The following NDUFA11 variants were observed in gnomAD, a reference collection of about 807,000 sequenced individuals.
NDUFA11 encodes NADH dehydrogenase [ubiquinone] 1 alpha subcomplex subunit 11.
A neutral mutation model predicts 11.3 loss-of-function variants in NDUFA11; 14 were observed. The ratio of observed to expected loss-of-function variants is 1.24; its 90% CI spans 0.82 to 1.94. NDUFA11 has a LOEUF of 1.94. Ranked by LOEUF, NDUFA11 falls within the 30% of genes most tolerant of loss-of-function variation. NDUFA11 has a pLI of 0.00. For synonymous variants in NDUFA11, 87 were observed against 85.6 expected (o/e 1.02, Z -0.09); for missense variants, 204 against 200.3 (o/e 1.02, Z -0.11).
rs2144950997 is a variant in NDUFA11, at chr19:5,896,657, G to A, written c.191-82C>T. The A allele has an allele frequency of 1.9e-6, 3 of 1,542,074 alleles. No homozygotes were observed. The South Asian group carries it at 3.6e-5, about 18-fold the overall frequency. ...GGGCGCTCACTGCCAGTGTCTGGATGGAGAGAGATGCCACGAGTCGGCTGC... is the reference window on the plus strand; with the variant it reads ...GGGCGCTCACTGCCAGTGTCTGGATAGAGAGAGATGCCACGAGTCGGCTGC... On this transcript the variant is annotated intron_variant, in intron 2 of 3. Coordinates refer to ENST00000308961, the MANE Select transcript of NDUFA11 (RefSeq NM_175614.5). The surrounding 1 kb of genome is among the most constrained non-coding windows in gnomAD (Gnocchi z 5.8).
In NDUFA11 at chr19:5,896,187, G is replaced by A; in HGVS notation, c.313+266C>T. The A allele has an allele frequency of 6.7e-6, 4 of 599,212 alleles. No individual in the cohort carries two copies. The East Asian group carries it at 1.1e-4, about 17-fold the overall frequency. The allele number at this position is 599,212 out of a possible 1,614,324, so 37.1% of individuals were successfully genotyped here. ...AGGCCCTGGGGCAGGACTGTACCTG[G>A]CATGTGGGAGGAGCAGTGAGGAGGC... On this transcript the variant is annotated intron_variant, in intron 3 of 3. Coordinates refer to ENST00000308961, the MANE Select transcript of NDUFA11 (RefSeq NM_175614.5). The surrounding 1 kb of genome is among the most constrained non-coding windows in gnomAD (Gnocchi z 5.8).
rs769260017 is a variant in NDUFA11 at position 5,894,708 on chromosome 19, T to C, written c.*34A>G. ...GACACAGAATTTATTTCTGGACGCA[T>C]TCTGCAGGCTGGAGGTCCCGGCAGG... On this transcript the variant is annotated 3_prime_UTR_variant, in exon 4 of 4. Transcript: ENST00000308961. The C allele has an allele frequency of 8.4e-5, 135 of 1,607,498 alleles. No individual in the cohort carries two copies. The highest frequency in any genetic ancestry group is 1.1e-4 in the Non-Finnish European group (131 of 1,177,088).
rs759620443 is a variant in NDUFA11 at position 5,894,828 on chromosome 19, C to T, written c.340G>A (p.Ala114Thr). 3.7e-5 allele frequency: 60 copies of T among 1,611,796 alleles called. No individual in the cohort carries two copies. The highest frequency in any genetic ancestry group is 4.8e-5 in the Non-Finnish European group (57 of 1,179,094). Residue 114 changes from alanine (A) to threonine (T), a missense_variant, in exon 4 of 4, where the codon GCC becomes ACC. Transcript: ENST00000308961. The stretch of plus-strand genomic sequence containing the variant: ...GCCGCTATGCCAAAGTACACGCAGG[C>T]GGCGGCGCCAATCCCGTAGTTGTGC... ...RTHNYGIGAA[A>T]CVYFGIAASL...
intron 1 of NDUFA11, among the ~76,000 whole-genome samples, chr19:5,898,329 C>A (rs1440725594): frequency 6.6e-6 from 1 of 152,212 alleles, no homozygotes; most frequent in Non-Finnish European, 1.5e-5. Context: ...CAACAGCACC[C>A]TAGCCTCAGA....
downstream of NDUFA11, among the ~76,000 whole-genome samples, chr19:5,894,177 C>T (rs1358622641): frequency 3.3e-5 from 5 of 152,226 alleles, no homozygotes; most frequent in African/African-American, 9.6e-5. Flanking sequence ...CCAGGGGCTG[C>T]GAGTGACCTG....
At chr19:5,893,468 A>T (rs935171301), downstream of NDUFA11, among the ~76,000 whole-genome samples, 1 of 152,078 alleles carries the variant, frequency 6.6e-6, no homozygotes, top group Non-Finnish European at 1.5e-5. This position sits in a 1 kb window ranked among gnomAD's most constrained non-coding sequence, Gnocchi z 4.1. Context: ...ATGTCTCAAA[A>T]AGACGAATTT....
chr19:5,896,056 AGAAG>A lies in NDUFA11; in HGVS notation c.313+393_313+396del. 2 of 381,368 alleles carry A rather than the reference AGAAG, an allele frequency of 5.2e-6. No homozygotes were observed. The highest frequency in any genetic ancestry group is 9.5e-6 in the Non-Finnish European group (2 of 210,882). 23.6% of individuals were successfully genotyped at this position (381,368 alleles called of 1,614,324 possible). A position where few individuals can be genotyped will look rare whatever the true frequency, so the allele number is the denominator to read the frequency against. ...ACCTGTGTCCTCTGACAAGGCACAC[AGAAG>A]GAAGGCGGCACAGAGCGAGGGCGGC... On this transcript the variant is annotated intron_variant, in intron 3 of 3. Transcript: ENST00000308961. This position sits in a 1 kb window ranked among gnomAD's most constrained non-coding sequence, Gnocchi z 5.8.
At position 5,896,776 on chromosome 19, in the gene NDUFA11, T is replaced by C. The variant is rs2057612511; in HGVS notation, c.190+129A>G. ...TATTCCTGATAAAGGAACACCCCACTTTCTCCGGATGGCCAGCACTGTGGA... is the reference window on the plus strand; with the variant it reads ...TATTCCTGATAAAGGAACACCCCACCTTCTCCGGATGGCCAGCACTGTGGA... On this transcript the variant is annotated intron_variant, in intron 2 of 3. Coordinates refer to ENST00000308961, the MANE Select transcript of NDUFA11 (RefSeq NM_175614.5). The surrounding 1 kb of genome is among the most constrained non-coding windows in gnomAD (Gnocchi z 5.8). 2.5e-5 allele frequency: 30 copies of C among 1,181,298 alleles called. No homozygotes were observed. In the South Asian group the frequency reaches 3.5e-4, roughly 14 times the overall value. 73.2% of individuals were successfully genotyped at this position (1,181,298 alleles called of 1,614,324 possible).
chr19:5,898,878 TA>T (rs34771049), intron 1 of NDUFA11, among the ~76,000 whole-genome samples: 3,213 of 82,544 alleles, frequency 0.039, 107 homozygotes, highest in African/African-American at 0.12. Flanking sequence ...CGTCTCAAAA[TA>T]AAAAAAAAAA....
intron 1 of NDUFA11, chr19:5,899,883 C>G (rs189112109): frequency 6.6e-6 from 1 of 152,126 alleles, no homozygotes; most frequent in African/African-American, 2.4e-5. Context: ...AGGGAACCAC[C>G]GACAAGACTC....
rs1320951524 is a variant in NDUFA11, at chr19:5,896,013, CAG to C, written c.313+438_313+439del. ...CTGACTCACAGGCCAGTGGCAGAGA[CAG>C]GGGGTGACCTTGGTGACCTGTGTCC... On this transcript the variant is annotated intron_variant, in intron 3 of 3. Transcript: ENST00000308961. This position sits in a 1 kb window ranked among gnomAD's most constrained non-coding sequence, Gnocchi z 5.8. 1 of 289,354 alleles carries C rather than the reference CAG, an allele frequency of 3.5e-6. No homozygotes were observed. The highest frequency in any genetic ancestry group is 6.5e-6 in the Non-Finnish European group (1 of 153,368). The allele number at this position is 289,354 out of a possible 1,614,324, so 17.9% of individuals were successfully genotyped here.
downstream of NDUFA11, chr19:5,891,263 T>G (rs1339695228): frequency 1.3e-5 from 2 of 150,494 alleles, no homozygotes; most frequent in South Asian, 2.1e-4. Context: ...GCGTTATTTA[T>G]TTATTTATTT....
At chr19:5,893,929 G>A (rs2057592063), downstream of NDUFA11, among the ~76,000 whole-genome samples, 1 of 152,196 alleles carries the variant, frequency 6.6e-6, no homozygotes, top group Non-Finnish European at 1.5e-5. This position sits in a 1 kb window ranked among gnomAD's most constrained non-coding sequence, Gnocchi z 4.1. Context: ...GCTCCCCTGG[G>A]TGGAGCCTGG....
downstream of NDUFA11, among the ~76,000 whole-genome samples, chr19:5,893,642 G>A (rs1036772926): frequency 2.0e-5 from 3 of 152,192 alleles, no homozygotes; most frequent in East Asian, 1.9e-4. The surrounding 1 kb of genome is among the most constrained non-coding windows in gnomAD (Gnocchi z 4.1). Flanking sequence ...TAGTGGCGGT[G>A]GCCATAGTCC....
intron 1 of NDUFA11, among the ~76,000 whole-genome samples, chr19:5,897,895 G>A (rs995611518): frequency 3.3e-5 from 5 of 152,114 alleles, no homozygotes; most frequent in Non-Finnish European, 5.9e-5. Context: ...TATGGTGGAT[G>A]GGCAGATTGA....
intron 1 of NDUFA11, among the ~76,000 whole-genome samples, chr19:5,898,986 C>T (rs948123365): frequency 6.6e-6 from 1 of 151,882 alleles, no homozygotes; most frequent in South Asian, 2.1e-4. Flanking sequence ...GGACTGGAGT[C>T]CAGTACAGCC....
At chr19:5,895,883 C>T (rs567995660) in intron 3 of NDUFA11, 165 of 165,632 alleles carry the variant, frequency 1.0e-3, no homozygotes, top group South Asian at 4.2e-3. Flanking sequence ...CTCCCTGAGC[C>T]CTAATACCCT....
chr19:5,900,972 CAA>C (rs572601433), intron 1 of NDUFA11, among the ~76,000 whole-genome samples: 108 of 151,704 alleles, frequency 7.1e-4, no homozygotes, highest in Non-Finnish European at 1.3e-3. Flanking sequence ...ATGTCACTCT[CAA>C]AGACCCCGGG....
At position 5,896,755 on chromosome 19, in the gene NDUFA11, C is replaced by T. The variant is rs702064; in HGVS notation, c.190+150G>A. 89,493 of 1,187,646 alleles carry T rather than the reference C, an allele frequency of 0.075. 3,806 individuals carry two copies. Among genetic ancestry groups the T allele is most frequent in the African/African-American group, 0.11 (7,071 of 66,772 alleles). 73.6% of individuals were successfully genotyped at this position (1,187,646 alleles called of 1,614,324 possible). The stretch of plus-strand genomic sequence containing the variant: ...TGGGCCTCCCCACCCTACATGTATT[C>T]CTGATAAAGGAACACCCCACTTTCT... On this transcript the variant is annotated intron_variant, in intron 2 of 3. Transcript: ENST00000308961. The surrounding 1 kb of genome is among the most constrained non-coding windows in gnomAD (Gnocchi z 5.8).
Sources: allele counts gnomAD v4.1 joint callset (sites outside exome capture counted in the v4.1 genomes callset), GRCh38; gene constraint gnomAD v4.1.1; non-coding constraint Gnocchi (gnomAD v3.1); transcripts MANE v1.5; gene names NCBI Gene and HGNC (gene_info 2026-07-23, HGNC 2026-07-21).